Variants in GOLM1 observed in about 807,000 individuals in gnomAD.
GOLM1 encodes the protein epididymis luminal protein 46.
Under a neutral mutation model 50.5 loss-of-function variants are expected in GOLM1, and 31 were observed. The observed-to-expected ratio is 0.61, with a 90% CI of 0.46 to 0.83. GOLM1 has a LOEUF of 0.83. GOLM1 is among the 40% of genes least tolerant of loss of function. GOLM1 has a pLI of 0.00. For synonymous variants in GOLM1, 178 were observed against 192.8 expected (o/e 0.92, Z 0.64); for missense variants, 491 against 501.3 (o/e 0.98, Z 0.20).
At chr9:86,088,426 A>G (rs1160494520) in intron 1 of GOLM1, among the ~76,000 whole-genome samples, 41 of 98,250 alleles carry the variant, frequency 4.2e-4, no homozygotes, top group Admixed American at 1.9e-3. Flanking sequence ...GGGTGTATAT[A>G]TATATATATA....
chr9:86,089,704 T>C (rs961214268), intron 1 of GOLM1, among the ~76,000 whole-genome samples: 19 of 152,300 alleles, frequency 1.2e-4, no homozygotes, highest in African/African-American at 4.6e-4. Flanking sequence ...GGTTAGAACA[T>C]GCTCCTTTAG....
intron 3 of GOLM1, among the ~76,000 whole-genome samples, chr9:86,059,485 C>T (rs766501292): frequency 1.3e-4 from 20 of 152,136 alleles, no homozygotes; most frequent in Non-Finnish European, 2.2e-4. Context: ...CTACATGATA[C>T]GTCCAGAATA....
At chr9:86,035,866 C>CA (rs1276980708) in intron 7 of GOLM1, among the ~76,000 whole-genome samples, 1,270 of 46,384 alleles carry the variant, frequency 0.027, 25 homozygotes, top group Non-Finnish European at 0.035. Flanking sequence ...AGTAGCTTAC[C>CA]AAAAAAAAAA....
At position 86,046,576 on chromosome 9, in the gene GOLM1, C is replaced by T. The variant is rs1196940154; in HGVS notation, c.365-4G>A. ...CTCTGCAGGGTCTTTAACTGGTCTA[C>T]ACCAAGGGGACAAGGAATTGCACAG... On this transcript the variant is annotated splice_region_variant and splice_polypyrimidine_tract_variant and intron_variant, in intron 4 of 9. Transcript: ENST00000388712. 4.4e-6 allele frequency: 7 copies of T among 1,584,056 alleles called. No homozygotes were observed. Among genetic ancestry groups the T allele is most frequent in the Middle Eastern group, 1.7e-4 (1 of 6,046 alleles).
intron 4 of GOLM1, among the ~76,000 whole-genome samples, chr9:86,049,837 T>C (rs1039911114): frequency 1.3e-5 from 2 of 152,208 alleles, no homozygotes; most frequent in African/African-American, 2.4e-5. Context: ...CTTCCTCTTT[T>C]CCTAATTGAA....
chr9:86,099,014 G>A (rs1040088195), intron 1 of GOLM1, among the ~76,000 whole-genome samples: 2 of 152,230 alleles, frequency 1.3e-5, no homozygotes, highest in Admixed American at 6.5e-5. Context: ...AAATCACGCT[G>A]CAGAACTGGA....
intron 3 of GOLM1, among the ~76,000 whole-genome samples, chr9:86,064,401 G>T (rs1480098080): frequency 1.3e-5 from 2 of 152,070 alleles, no homozygotes; most frequent in Non-Finnish European, 2.9e-5. Context: ...TCTGTCACGG[G>T]GCCTGTTGAT....
At chr9:86,078,889 A>G (rs1322430323) in intron 2 of GOLM1, among the ~76,000 whole-genome samples, 2 of 152,188 alleles carry the variant, frequency 1.3e-5, no homozygotes, top group African/African-American at 4.8e-5. Context: ...GTATGTAAGC[A>G]AGCTGTCTTC....
intron 9 of GOLM1, among the ~76,000 whole-genome samples, chr9:86,028,997 C>T (rs559058847): frequency 1.3e-5 from 2 of 152,040 alleles, no homozygotes; most frequent in Admixed American, 6.6e-5. Flanking sequence ...TACAGGCGCC[C>T]GCCACCACGC....
intron 6 of GOLM1, among the ~76,000 whole-genome samples, chr9:86,038,089 G>A (rs540649936): frequency 2.4e-4 from 36 of 151,928 alleles, no homozygotes; most frequent in African/African-American, 7.7e-4. Context: ...GGGAGGCAGA[G>A]GTTGTGGTGA....
intron 5 of GOLM1, among the ~76,000 whole-genome samples, chr9:86,042,776 G>A (rs975762977): frequency 3.3e-5 from 5 of 152,186 alleles, no homozygotes; most frequent in African/African-American, 1.2e-4. Context: ...AATCAAGTAC[G>A]AAGAGCCTTT....
chr9:86,077,406 C>A lies in GOLM1; in HGVS notation c.309+6G>T. On this transcript the variant is annotated splice_donor_region_variant and intron_variant, in intron 3 of 9. Coordinates refer to ENST00000388712, the MANE Select transcript of GOLM1 (RefSeq NM_016548.4). The stretch of plus-strand genomic sequence containing the variant: ...AAGAACTGAGAGGAAACAAAGCAGG[C>A]CTTGCCTTTTCGTCCTGGTACAGCT... 6.2e-7 allele frequency: 1 copy of A among 1,611,698 alleles called. No homozygotes were observed. Among genetic ancestry groups the A allele is most frequent in the East Asian group, 2.2e-5 (1 of 44,870 alleles).
At chr9:86,072,922 A>C (rs893270451) in intron 3 of GOLM1, among the ~76,000 whole-genome samples, 1 of 152,252 alleles carries the variant, frequency 6.6e-6, no homozygotes, top group Non-Finnish European at 1.5e-5. Flanking sequence ...TTGTGTATCT[A>C]AACACAGAAA....
At chr9:86,052,478 G>T in intron 4 of GOLM1, 59 bp downstream of exon 4, 1 of 1,451,946 alleles carries the variant, frequency 6.9e-7, no homozygotes, top group Non-Finnish European at 9.7e-7. Flanking sequence ...GAGAAGGAGA[G>T]AAAGGGAGTT....
intron 1 of GOLM1, among the ~76,000 whole-genome samples, chr9:86,081,887 T>TA (rs202108156): frequency 0.036 from 5,013 of 139,278 alleles, 253 homozygotes; most frequent in East Asian, 0.27. Context: ...AGACTCTGAT[T>TA]AAAAAAAAAA....
intron 3 of GOLM1, among the ~76,000 whole-genome samples, chr9:86,057,689 T>G (rs746920786): frequency 2.0e-5 from 3 of 152,198 alleles, no homozygotes; most frequent in Non-Finnish European, 4.4e-5. Context: ...ATAGGCATGC[T>G]GCGGCCCTGG....
intron 1 of GOLM1, among the ~76,000 whole-genome samples, chr9:86,097,391 A>G (rs1479972677): frequency 6.6e-6 from 1 of 152,226 alleles, no homozygotes; most frequent in Non-Finnish European, 1.5e-5. Flanking sequence ...AATCCCAATT[A>G]CAAATGTTAT....
chr9:86,039,289 A>G (rs1833251988), intron 6 of GOLM1, among the ~76,000 whole-genome samples: 1 of 152,208 alleles, frequency 6.6e-6, no homozygotes, highest in Admixed American at 6.5e-5. Context: ...GGTATCATGA[A>G]AAAGGTAGTA....
chr9:86,036,303 G>C, intron 7 of GOLM1, 45 bp downstream of exon 7: 2 of 1,602,760 alleles, frequency 1.2e-6, no homozygotes. Flanking sequence ...CCTCTGATGG[G>C]GCTCTGGAGA....
Sources: gnomAD v4.1 joint callset for allele counts (sites outside exome capture counted in the v4.1 genomes callset) on GRCh38, gnomAD v4.1.1 for gene constraint, MANE v1.5 for transcripts, NCBI Gene and HGNC (gene_info 2026-07-23, HGNC 2026-07-21) for gene names.